Variants in DHX30 observed in about 807,000 individuals in gnomAD.
DHX30 encodes ATP-dependent RNA helicase DHX30.
In DHX30, 4 loss-of-function variants were observed where a neutral mutation model predicts 116.9. The observed-to-expected ratio is 0.03, with a 90% CI of 0.02 to 0.08. DHX30 has a LOEUF of 0.08. Among genes scored for constraint, DHX30 ranks in the 10% least tolerant of loss-of-function variants. The probability of loss-of-function intolerance (pLI) is 1.00; values close to 1 mark genes in which losing one functional copy is unlikely to be tolerated. For synonymous variants in DHX30, 697 were observed against 651.7 expected (o/e 1.07, Z -1.06); for missense variants, 871 against 1,595.1 (o/e 0.55, Z 7.73).
rs894824192 is a variant in DHX30 at position 47,827,708 on chromosome 3, C to T, written c.255+231C>T. Among the ~76,000 whole-genome samples, 3 of 152,100 alleles carry T rather than the reference C, an allele frequency of 2.0e-5. No homozygotes were observed. In the South Asian group the frequency reaches 6.2e-4, roughly 32 times the overall value. ...GAGGTGCCATCTTATCTAAGACAGG[C>T]GCCTATACGGATCCTTGGTTTTTGC... On this transcript the variant is annotated intron_variant, in intron 5 of 21. Coordinates refer to ENST00000445061, the MANE Select transcript of DHX30 (RefSeq NM_138615.3).
At chr3:47,823,354 G>GTT (rs1245646578) in intron 4 of DHX30, among the ~76,000 whole-genome samples, 4 of 144,552 alleles carry the variant, frequency 2.8e-5, no homozygotes, top group African/African-American at 1.0e-4. Flanking sequence ...ATCCCTGGTT[G>GTT]TTGTTTTTTT....
intron 4 of DHX30, 94 bp from the exon 5 acceptor site, chr3:47,827,253 C>T (rs1361768355): frequency 3.7e-6 from 5 of 1,345,400 alleles, no homozygotes; most frequent in African/African-American, 1.5e-5. Context: ...AGCCAACATC[C>T]TCAGAATCCA....
intron 3 of DHX30, among the ~76,000 whole-genome samples, chr3:47,817,149 C>G (rs757012664): frequency 6.6e-6 from 1 of 152,188 alleles, no homozygotes; most frequent in Admixed American, 6.5e-5. Flanking sequence ...CTCTGCTCCC[C>G]TTCTACCCCA....
At chr3:47,822,094 C>G (rs1300523998) in intron 4 of DHX30, 4 of 152,194 alleles carry the variant, frequency 2.6e-5, no homozygotes, top group Non-Finnish European at 5.9e-5. Flanking sequence ...TTTCTAACAA[C>G]AGGCAGGGGT....
In DHX30 at chr3:47,829,098, G is replaced by A; in HGVS notation, c.330G>A (p.Glu110=). The change falls in exon 6 of 22, where the codon GAG becomes GAA. Residue 110 remains glutamate (E), a synonymous_variant. Coordinates refer to ENST00000445061, the MANE Select transcript of DHX30 (RefSeq NM_138615.3). ...EGYGSKKIDA[E]RQAAAAACQL... ...ATGGCAGCAAGAAGATCGATGCTGA[G>A]CGGCAGGCTGCAGCTGCAGCCTGCC... 6.2e-7 allele frequency: 1 copy of A among 1,605,084 alleles called. No individual in the cohort carries two copies. The highest frequency in any genetic ancestry group is 1.1e-5 in the South Asian group (1 of 89,718).
chr3:47,828,509 T>C (rs952179520), intron 5 of DHX30, among the ~76,000 whole-genome samples: 4 of 148,092 alleles, frequency 2.7e-5, no homozygotes, highest in Admixed American at 6.8e-5. Context: ...CGGTGGCTCA[T>C]GCCTGTAATC....
intron 4 of DHX30, among the ~76,000 whole-genome samples, chr3:47,820,104 G>A (rs2036233232): frequency 6.6e-6 from 1 of 152,214 alleles, no homozygotes; most frequent in African/African-American, 2.4e-5. Flanking sequence ...TCTGAGGCCA[G>A]GAGTTTGAGA....
chr3:47,840,235 G>A (rs1189550098), intron 6 of DHX30, among the ~76,000 whole-genome samples: 2 of 150,018 alleles, frequency 1.3e-5, no homozygotes, highest in African/African-American at 4.9e-5. Flanking sequence ...CTGACGTCAT[G>A]ATCCGCCCGT....
At chr3:47,809,257 T>TTC in intron 2 of DHX30, among the ~76,000 whole-genome samples, 1 of 138,652 alleles carries the variant, frequency 7.2e-6, no homozygotes, top group Admixed American at 7.4e-5. Context: ...TTTTTTTTTT[T>TTC]TTGAGACGGA....
chr3:47,812,908 G>A (rs139617008), intron 3 of DHX30, among the ~76,000 whole-genome samples: 5,752 of 151,632 alleles, frequency 0.038, 365 homozygotes, highest in African/African-American at 0.13. Context: ...AAGTGATTTC[G>A]CCCATCTCGG....
chr3:47,806,904 T>C (rs1038304032), intron 2 of DHX30, among the ~76,000 whole-genome samples: 1 of 151,584 alleles, frequency 6.6e-6, no homozygotes, highest in Non-Finnish European at 1.5e-5. Flanking sequence ...ACTACAAAGA[T>C]TTTTAAACAT....
chr3:47,835,843 CT>C (rs1318880355), intron 6 of DHX30, among the ~76,000 whole-genome samples: 1 of 152,188 alleles, frequency 6.6e-6, no homozygotes, highest in African/African-American at 2.4e-5. Context: ...TCTGCCTGCA[CT>C]TTCTAGTACT....
rs73087115 is a variant in DHX30, at chr3:47,849,480, G to T, written c.3117G>T (p.Gly1039=). The T allele has an allele frequency of 7.3e-5, 115 of 1,580,808 alleles. No homozygotes were observed. The highest frequency in any genetic ancestry group is 9.7e-5 in the Non-Finnish European group (113 of 1,159,298). ...QVRQGKVTRQ[G]KFKPNSVTYR... is the part of the protein sequence containing the mutation. ...GGCAGGGCAAGGTCACCCGGCAGGGGAAGTTCAAGCCCAACAGCGTCACAT... is the reference window on the plus strand; with the variant it reads ...GGCAGGGCAAGGTCACCCGGCAGGGTAAGTTCAAGCCCAACAGCGTCACAT... The change falls in exon 20 of 22, where the codon GGG becomes GGT. Residue 1039 remains glycine (G), a synonymous_variant. Transcript: ENST00000445061.
chr3:47,824,045 C>G (rs1213333484), intron 4 of DHX30, among the ~76,000 whole-genome samples: 1 of 149,000 alleles, frequency 6.7e-6, no homozygotes, highest in East Asian at 2.0e-4. Context: ...CTCTGTCACC[C>G]AGGCTGAAGT....
intron 6 of DHX30, among the ~76,000 whole-genome samples, chr3:47,834,763 TCTC>T (rs1414395891): frequency 2.0e-5 from 3 of 152,138 alleles, no homozygotes; most frequent in African/African-American, 4.8e-5. Flanking sequence ...CCTGGCCAGA[TCTC>T]CTCTTCTTTA....
chr3:47,849,879 G>A lies in DHX30; in HGVS notation c.3344G>A (p.Arg1115Gln), dbSNP rs1292255722. Residue 1115 changes from arginine to glutamine, a missense_variant, in exon 22 of 22, where the codon CGG becomes CAG. Around this residue, in one of 13 missense-constraint regions of DHX30, gnomAD observed 238 missense variants for 481.0 expected, o/e 0.49. Coordinates refer to ENST00000445061, the MANE Select transcript of DHX30 (RefSeq NM_138615.3). ...GDVHIRDDGR[R>Q]ATISLSDSDL... The stretch of plus-strand genomic sequence containing the variant: ...TCCATTCCCTCAGATGACGGGCGCC[G>A]GGCCACCATCTCACTGAGCGACAGT... 9.3e-6 allele frequency: 15 copies of A among 1,612,504 alleles called. No individual in the cohort carries two copies. Among genetic ancestry groups the A allele is most frequent in the Middle Eastern group, 3.3e-4 (2 of 6,082 alleles).
chr3:47,834,856 T>C (rs2037032735), intron 6 of DHX30, among the ~76,000 whole-genome samples: 1 of 152,242 alleles, frequency 6.6e-6, no homozygotes, highest in Non-Finnish European at 1.5e-5. Flanking sequence ...ATCTTGACTG[T>C]TGTGAATAAT....
At chr3:47,817,897 C>A in intron 3 of DHX30, 125 bp from the exon 4 acceptor site, 1 of 768,550 alleles carries the variant, frequency 1.3e-6, no homozygotes. Context: ...TGTGGCTGCT[C>A]CCAGCACTGT....
rs145758649 is a variant in DHX30 at position 47,847,338 on chromosome 3, C to T, written c.1995C>T (p.Arg665=). The change falls in exon 12 of 22, where the codon CGC becomes CGT. Residue 665 remains arginine (R), a synonymous_variant. Coordinates refer to ENST00000445061, the MANE Select transcript of DHX30 (RefSeq NM_138615.3). The surrounding 1 kb of genome is among the most constrained non-coding windows in gnomAD (Gnocchi z 5.5). The stretch of plus-strand genomic sequence containing the variant: ...ATCTGGTTCTGCACATCGATGCTCG[C>T]GGGGAACCAGGTGGGTGCCTCCCCA... ...VTDLVLHIDA[R]GEPGGILCFL... is the part of the protein sequence containing the mutation. 8.1e-6 allele frequency: 13 copies of T among 1,614,116 alleles called. No individual in the cohort carries two copies. Among genetic ancestry groups the T allele is most frequent in the African/African-American group, 2.7e-5 (2 of 74,938 alleles).
Sources: allele counts gnomAD v4.1 joint callset (sites outside exome capture counted in the v4.1 genomes callset), GRCh38; gene constraint gnomAD v4.1.1; regional missense constraint gnomAD v4.1.1; non-coding constraint Gnocchi (gnomAD v3.1); transcripts MANE v1.5; gene names NCBI Gene and HGNC (gene_info 2026-07-23, HGNC 2026-07-21).